Variants in PYCR3 observed in about 807,000 individuals in gnomAD.
PYCR3 encodes P5C reductase 3.
PYCR3 carries 26 observed loss-of-function variants against 23.4 expected under a neutral mutation model. The ratio of observed to expected loss-of-function variants is 1.11; its 90% CI spans 0.81 to 1.54. PYCR3 has a LOEUF of 1.54. Ranked by LOEUF, PYCR3 falls within the 40% of genes most tolerant of loss-of-function variation. PYCR3 has a pLI of 0.00. For missense variants in PYCR3, 360 were observed against 376.3 expected (o/e 0.96, Z 0.36); for synonymous variants, 194 against 162.6 (o/e 1.19, Z -1.47).
Position 143,603,243 on chromosome 8 carries a change from AT to A in PYCR3, c.*2456del, listed in dbSNP as rs2131393647. On this transcript the variant is annotated 3_prime_UTR_variant, in exon 6 of 6. Transcript: ENST00000495276. ...ATGAGCATCCCTGTTTTGAAGTCTT[AT>A]TTTTAAACTCTTGATCCAACGCTTG... 1.3e-5 allele frequency: 2 copies of A among 152,282 alleles called. No homozygotes were observed. Among genetic ancestry groups the A allele is most frequent in the Non-Finnish European group, 2.9e-5 (2 of 68,016 alleles). The allele number at this position is 152,282 out of a possible 1,614,324, so 9.4% of individuals were successfully genotyped here. A position where few individuals can be genotyped will look rare whatever the true frequency, so the allele number is the denominator to read the frequency against.
chr8:143,604,094 A>T lies in PYCR3; in HGVS notation c.*1606T>A, dbSNP rs1829323706. 2 of 151,928 alleles carry T rather than the reference A, an allele frequency of 1.3e-5. No individual in the cohort carries two copies. Among genetic ancestry groups the T allele is most frequent in the East Asian group, 3.9e-4 (2 of 5,154 alleles). 9.4% of individuals were successfully genotyped at this position (151,928 alleles called of 1,614,324 possible). ...TTTTTAGTAGAGATGGGGTTTCTCC[A>T]TGTTGGTCAGGTTGGTCTCAAACTC... is the stretch of plus-strand genomic sequence containing the variant. On this transcript the variant is annotated 3_prime_UTR_variant, in exon 6 of 6. Coordinates refer to ENST00000495276, the MANE Select transcript of PYCR3 (RefSeq NM_023078.6).
At chr8:143,607,181 C>T (rs1212436816) in intron 2 of PYCR3, 49 bp from the exon 3 acceptor site, 2 of 1,464,156 alleles carry the variant, frequency 1.4e-6, no homozygotes, top group South Asian at 1.3e-5. Flanking sequence ...GTAAGCGGCG[C>T]ACCCTCTCCA....
In PYCR3 at chr8:143,604,380, G is replaced by A. The variant is rs1171745525; in HGVS notation, c.*1320C>T. 1.2e-5 allele frequency: 2 copies of A among 165,412 alleles called. No individual in the cohort carries two copies. Among genetic ancestry groups the A allele is most frequent in the African/African-American group, 4.8e-5 (2 of 41,522 alleles). 10.2% of individuals were successfully genotyped at this position (165,412 alleles called of 1,614,324 possible). A position where few individuals can be genotyped will look rare whatever the true frequency, so the allele number is the denominator to read the frequency against. On this transcript the variant is annotated 3_prime_UTR_variant, in exon 6 of 6. Coordinates refer to ENST00000495276, the MANE Select transcript of PYCR3 (RefSeq NM_023078.6). ...GCTTACGGACGGGCTAGGCTCAGGA[G>A]AGTAAGAGAGAGCAGATGAAGGGCA...
chr8:143,607,250 C>T, intron 2 of PYCR3, 118 bp from the exon 3 acceptor site: 1 of 1,033,744 alleles, frequency 9.7e-7, no homozygotes, highest in Non-Finnish European at 1.4e-6. Context: ...TCTCCCATTG[C>T]AAGTGTCTAG....
rs989461110 is a variant in PYCR3 at position 143,605,233 on chromosome 8, C to G, written c.*467G>C. 3 of 293,712 alleles carry G rather than the reference C, an allele frequency of 1.0e-5. No individual in the cohort carries two copies. Among genetic ancestry groups the G allele is most frequent in the African/African-American group, 6.7e-5 (3 of 45,020 alleles). 18.2% of individuals were successfully genotyped at this position (293,712 alleles called of 1,614,324 possible). A position where few individuals can be genotyped will look rare whatever the true frequency, so the allele number is the denominator to read the frequency against. On this transcript the variant is annotated 3_prime_UTR_variant, in exon 6 of 6. Transcript: ENST00000495276. The stretch of plus-strand genomic sequence containing the variant: ...TGTGCAGACCCCATATGGCTCGTGC[C>G]CCCTAGAGCTGAGATGAGGCAGCCG...
At position 143,606,539 on chromosome 8, in the gene PYCR3, A is replaced by G. The variant is rs1172676218; in HGVS notation, c.477T>C (p.Cys159=). The change falls in exon 4 of 6, where the codon TGT becomes TGC. Residue 159 remains cysteine (C), a synonymous_variant. Coordinates refer to ENST00000495276, the MANE Select transcript of PYCR3 (RefSeq NM_023078.6). The part of the protein sequence containing the change: ...TKLLQHLLEA[C]GRCEEVPEAY... Reference sequence around the variant, plus strand: ...CTTCAGGCACCTCCTCACACCGCCCACAGGCCTCCAGCAGATGCTGCAGGA... The same window carrying G: ...CTTCAGGCACCTCCTCACACCGCCCGCAGGCCTCCAGCAGATGCTGCAGGA... 6.2e-7 allele frequency: 1 copy of G among 1,612,934 alleles called. No homozygotes were observed. Among genetic ancestry groups the G allele is most frequent in the Non-Finnish European group, 8.5e-7 (1 of 1,180,004 alleles).
chr8:143,609,518 C>T lies in PYCR3; in HGVS notation c.31G>A (p.Val11Met). ...ATGCGGCCCGCGCCCACGAAGCCCA[C>T]GCGCCGCGGAGACGGCTCCGCAGCT... MAAAEPSPRR[V>M]GFVGAGRMAG... is the part of the protein sequence containing the mutation. The change falls in exon 1 of 6, where the codon GTG (valine) becomes ATG (methionine). Residue 11 changes from valine (V) to methionine (M), a missense_variant. Val to Met is a conservative substitution (Grantham distance 21, BLOSUM62 1). Transcript: ENST00000495276. 1.3e-6 allele frequency: 2 copies of T among 1,516,080 alleles called. No individual in the cohort carries two copies. Among genetic ancestry groups the T allele is most frequent in the Non-Finnish European group, 1.8e-6 (2 of 1,139,684 alleles). The allele number at this position is 1,516,080 out of a possible 1,614,324, so 93.9% of individuals were successfully genotyped here. A position where few individuals can be genotyped will look rare whatever the true frequency, so the allele number is the denominator to read the frequency against.
chr8:143,609,441 G>C lies in PYCR3; in HGVS notation c.91+17C>G, dbSNP rs1432821690. 1 of 1,493,048 alleles carries C rather than the reference G, an allele frequency of 6.7e-7. No individual in the cohort carries two copies. The highest frequency in any genetic ancestry group is 1.5e-5 in the African/African-American group (1 of 68,468). 92.5% of individuals were successfully genotyped at this position (1,493,048 alleles called of 1,614,324 possible). On this transcript the variant is annotated intron_variant, in intron 1 of 5. Coordinates refer to ENST00000495276, the MANE Select transcript of PYCR3 (RefSeq NM_023078.6). ...GCTCCCACTCCAGACCGCAGGCCTA[G>C]CCCCGCGCCGCCCCACCTGCTCTGA...
rs1183309084 is a variant in PYCR3, at chr8:143,605,651, C to T, written c.*49G>A. On this transcript the variant is annotated 3_prime_UTR_variant, in exon 6 of 6. Coordinates refer to ENST00000495276, the MANE Select transcript of PYCR3 (RefSeq NM_023078.6). ...GCCGCAGTCCTCAGGGGAAGGGACA[C>T]AGGGAGAGGCAGGGGCACAGAGGCA... 4 of 1,531,702 alleles carry T rather than the reference C, an allele frequency of 2.6e-6. No homozygotes were observed. Among genetic ancestry groups the T allele is most frequent in the East Asian group, 2.3e-5 (1 of 43,570 alleles). 94.9% of individuals were successfully genotyped at this position (1,531,702 alleles called of 1,614,324 possible).
intron 2 of PYCR3, 46 bp downstream of exon 2, chr8:143,608,016 T>C (rs779838820): frequency 7.0e-7 from 1 of 1,420,404 alleles, no homozygotes; most frequent in Non-Finnish European, 9.9e-7. Context: ...AGCCAAGAGC[T>C]ATCCTGGGCT....
chr8:143,608,012 G>A, intron 2 of PYCR3, 50 bp downstream of exon 2: 1 of 1,412,776 alleles, frequency 7.1e-7, no homozygotes, highest in Non-Finnish European at 1.0e-6. Flanking sequence ...CAGGAGCCAA[G>A]AGCTATCCTG....
rs1829410890 is a variant in PYCR3 at position 143,606,673 on chromosome 8, G to A, written c.343C>T (p.Pro115Ser). Residue 115 changes from proline to serine, a missense_variant, in exon 4 of 6, where the codon CCC (proline) becomes TCC (serine). Transcript: ENST00000495276. ...ACCCGCAGCACCCGTGTGTTTGGGG[G>A]CAGCAGCTGGCCAGAGAGAGGTCAG... is the stretch of plus-strand genomic sequence containing the variant. The part of the protein sequence containing the change: ...VSLSTLEELL[P>S]PNTRVLRVLP... 1 of 1,586,624 alleles carries A rather than the reference G, an allele frequency of 6.3e-7. No homozygotes were observed. The highest frequency in any genetic ancestry group is 8.6e-7 in the Non-Finnish European group (1 of 1,168,126).
At chr8:143,609,362 G>T (rs1829482624) in intron 1 of PYCR3, 96 bp downstream of exon 1, 1 of 1,318,384 alleles carries the variant, frequency 7.6e-7, no homozygotes. Context: ...GACCCGGTTG[G>T]CTGGGCCCGC....
chr8:143,607,204 C>G, intron 2 of PYCR3, 72 bp from the exon 3 acceptor site: 3 of 1,372,698 alleles, frequency 2.2e-6, no homozygotes, highest in Non-Finnish European at 2.9e-6. Flanking sequence ...ACAGCCCTTC[C>G]TGCTGGATGC....
Position 143,605,382 on chromosome 8 carries a change from C to A in PYCR3, c.*318G>T. 2 of 424,458 alleles carry A rather than the reference C, an allele frequency of 4.7e-6. No homozygotes were observed. The highest frequency in any genetic ancestry group is 8.5e-6 in the Non-Finnish European group (2 of 234,008). 26.3% of individuals were successfully genotyped at this position (424,458 alleles called of 1,614,324 possible). A position where few individuals can be genotyped will look rare whatever the true frequency, so the allele number is the denominator to read the frequency against. The stretch of plus-strand genomic sequence containing the variant: ...TTCATGGCCTCAACCAACTGCCCAA[C>A]CATGCGGGCAAATGACCAAGACGCC... On this transcript the variant is annotated 3_prime_UTR_variant, in exon 6 of 6. Transcript: ENST00000495276.
chr8:143,605,042 C>T lies in PYCR3; in HGVS notation c.*658G>A, dbSNP rs1829354143. 1 of 433,572 alleles carries T rather than the reference C, an allele frequency of 2.3e-6. No homozygotes were observed. The highest frequency in any genetic ancestry group is 2.0e-5 in the African/African-American group (1 of 49,032). 26.9% of individuals were successfully genotyped at this position (433,572 alleles called of 1,614,324 possible). A position where few individuals can be genotyped will look rare whatever the true frequency, so the allele number is the denominator to read the frequency against. ...ACCTACCACTGCCCACCTGGTGCCA[C>T]CCCAGCACTGCCGCAGACCTGGCCC... On this transcript the variant is annotated 3_prime_UTR_variant, in exon 6 of 6. Coordinates refer to ENST00000495276, the MANE Select transcript of PYCR3 (RefSeq NM_023078.6).
chr8:143,605,564 C>T lies in PYCR3; in HGVS notation c.*136G>A. 1 of 843,436 alleles carries T rather than the reference C, an allele frequency of 1.2e-6. No individual in the cohort carries two copies. Among genetic ancestry groups the T allele is most frequent in the Non-Finnish European group, 1.8e-6 (1 of 557,844 alleles). The allele number at this position is 843,436 out of a possible 1,614,324, so 52.2% of individuals were successfully genotyped here. A position where few individuals can be genotyped will look rare whatever the true frequency, so the allele number is the denominator to read the frequency against. Reference sequence around the variant, plus strand: ...TGCTGGAACCTCCCAAGTCCTGCCCCCTGCATTTCCCTGTGCAAGGGGAGA... The same window carrying T: ...TGCTGGAACCTCCCAAGTCCTGCCCTCTGCATTTCCCTGTGCAAGGGGAGA... On this transcript the variant is annotated 3_prime_UTR_variant, in exon 6 of 6. Transcript: ENST00000495276.
In PYCR3 at chr8:143,605,592, G is replaced by A. The variant is rs889057450; in HGVS notation, c.*108C>T. The A allele has an allele frequency of 5.0e-6, 5 of 1,005,770 alleles. No homozygotes were observed. Among genetic ancestry groups the A allele is most frequent in the Non-Finnish European group, 7.2e-6 (5 of 695,504 alleles). The allele number at this position is 1,005,770 out of a possible 1,614,324, so 62.3% of individuals were successfully genotyped here. On this transcript the variant is annotated 3_prime_UTR_variant, in exon 6 of 6. Transcript: ENST00000495276. ...GCATTTCCCTGTGCAAGGGGAGAAG[G>A]AGCAGTAGGAGACCCTCATGCAGGA... is the stretch of plus-strand genomic sequence containing the variant.
At position 143,609,477 on chromosome 8, in the gene PYCR3, C is replaced by A. The variant is rs752221895; in HGVS notation, c.72G>T (p.Ala24=). The A allele has an allele frequency of 1.1e-5, 17 of 1,511,562 alleles. No individual in the cohort carries two copies. Among genetic ancestry groups the A allele is most frequent in the Non-Finnish European group, 1.5e-5 (17 of 1,137,670 alleles). The allele number at this position is 1,511,562 out of a possible 1,614,324, so 93.6% of individuals were successfully genotyped here. The change falls in exon 1 of 6, where the codon GCG becomes GCT. Residue 24 remains alanine, a synonymous_variant. Transcript: ENST00000495276. ...CCCCACCTGCTCTGATGAGGCCCTG[C>A]GCGATGGCCCCCGCCATGCGGCCCG... ...VGAGRMAGAI[A]QGLIRAGKVE...
Sources: gnomAD v4.1 joint callset for allele counts on GRCh38, gnomAD v4.1.1 for gene constraint, MANE v1.5 for transcripts, NCBI Gene and HGNC (gene_info 2026-07-23, HGNC 2026-07-21) for gene names.